Variants in FMO4 observed in about 807,000 individuals in gnomAD.
The protein encoded by FMO4 is flavin containing dimethylaniline monoxygenase 4, also known as dimethylaniline monooxygenase [N-oxide-forming] 4.
Under a neutral mutation model 43.3 loss-of-function variants are expected in FMO4, and 38 were observed. The ratio of observed to expected loss-of-function variants is 0.88; its 90% CI spans 0.68 to 1.15. FMO4 has a LOEUF of 1.15. Ranked by LOEUF, FMO4 falls within the 50% of genes most tolerant of loss-of-function variation. The pLI is 0.00. For missense variants in FMO4, 631 were observed against 663.3 expected (o/e 0.95, Z 0.54); for synonymous variants, 224 against 232.2 (o/e 0.96, Z 0.32).
rs1368644968 is a variant in FMO4, at chr1:171,337,402, T to G, written c.1227T>G (p.Thr409=). ...PPSQKLMMEA[T]EKEQLIKRGV... Reference sequence around the variant, plus strand: ...CCCAAAAATTGATGATGGAGGCTACTGAAAAGGAACAGCTCATTAAAAGGT... The same window carrying G: ...CCCAAAAATTGATGATGGAGGCTACGGAAAAGGAACAGCTCATTAAAAGGT... The change falls in exon 9 of 10, where the codon ACT becomes ACG. Residue 409 remains threonine, a synonymous_variant. Transcript: ENST00000367749. The G allele has an allele frequency of 6.2e-7, 1 of 1,612,186 alleles. No homozygotes were observed. Among genetic ancestry groups the G allele is most frequent in the Non-Finnish European group, 8.5e-7 (1 of 1,178,466 alleles).
In FMO4 at chr1:171,314,254, G is replaced by A. The variant is rs1662110378; in HGVS notation, c.-310G>A. ...ATAACAGAAAAGACGAATGGCTTTT[G>A]TTTTAAACTGAGGGCACTTTTACAA... On this transcript the variant is annotated 5_prime_UTR_variant, in exon 1 of 10. Transcript: ENST00000367749. The A allele has an allele frequency of 6.6e-6, 1 of 151,704 alleles. No individual in the cohort carries two copies. Among genetic ancestry groups the A allele is most frequent in the African/African-American group, 2.4e-5 (1 of 41,238 alleles). 9.4% of individuals were successfully genotyped at this position (151,704 alleles called of 1,614,324 possible). A position where few individuals can be genotyped will look rare whatever the true frequency, so the allele number is the denominator to read the frequency against.
Position 171,328,924 on chromosome 1 carries a change from C to CAA in FMO4, c.485-2708_485-2707dup, listed in dbSNP as rs3216452. Reference sequence around the variant, plus strand: ...CTGATCATTATAAGTCACCCAAAAACAAAAAAAAATCTCATTTTCATAACT... The same window carrying CAA: ...CTGATCATTATAAGTCACCCAAAAACAAAAAAAAAAATCTCATTTTCATAACT... On this transcript the variant is annotated intron_variant, in intron 5 of 9. Coordinates refer to ENST00000367749, the MANE Select transcript of FMO4 (RefSeq NM_002022.3). Among the ~76,000 whole-genome samples, 37 of 151,084 alleles carry CAA rather than the reference C, an allele frequency of 2.4e-4. 1 individual carries two copies. Among genetic ancestry groups the CAA allele is most frequent in the Admixed American group, 1.1e-3 (16 of 15,170 alleles).
intron 5 of FMO4, among the ~76,000 whole-genome samples, chr1:171,331,285 T>G (rs762338533): frequency 1.3e-5 from 2 of 152,224 alleles, no homozygotes; most frequent in Non-Finnish European, 2.9e-5. Flanking sequence ...TAATACTTAA[T>G]GTAGATGAAC....
chr1:171,332,642 C>T lies in FMO4; in HGVS notation c.628-67C>T, dbSNP rs181155696. The T allele has an allele frequency of 7.6e-5, 101 of 1,332,254 alleles. 1 individual carries two copies. In the East Asian group the frequency reaches 2.2e-3, roughly 30 times the overall value. The allele number at this position is 1,332,254 out of a possible 1,614,324, so 82.5% of individuals were successfully genotyped here. ...GACTGGAATAAGATCATTTGAAACA[C>T]ACTGATGAAAAATACTACAAAATGA... On this transcript the variant is annotated intron_variant, in intron 6 of 9. Transcript: ENST00000367749.
intron 1 of FMO4, among the ~76,000 whole-genome samples, chr1:171,315,007 C>A (rs1048102720): frequency 1.3e-5 from 2 of 152,060 alleles, no homozygotes; most frequent in Admixed American, 6.6e-5. Flanking sequence ...TATAAGCAAC[C>A]TATGGCTGGC....
intron 8 of FMO4, among the ~76,000 whole-genome samples, chr1:171,335,038 G>T (rs111816834): frequency 1.3e-5 from 2 of 152,128 alleles, no homozygotes; most frequent in Non-Finnish European, 2.9e-5. Context: ...TCATGATCCT[G>T]TTCTAGCCTA....
chr1:171,323,901 G>A (rs918389169), intron 4 of FMO4, among the ~76,000 whole-genome samples: 3 of 152,178 alleles, frequency 2.0e-5, no homozygotes, highest in East Asian at 1.9e-4. Flanking sequence ...GGAATAAAAC[G>A]TGATTGTTTC....
At chr1:171,316,806 A>G (rs1422464661) in intron 2 of FMO4, among the ~76,000 whole-genome samples, 1 of 152,198 alleles carries the variant, frequency 6.6e-6, no homozygotes, top group Non-Finnish European at 1.5e-5. Flanking sequence ...CAGCCCTAGG[A>G]AATCCTTCTG....
At chr1:171,321,013 G>T (rs1018818452) in intron 3 of FMO4, among the ~76,000 whole-genome samples, 4 of 151,764 alleles carry the variant, frequency 2.6e-5, no homozygotes, top group African/African-American at 9.7e-5. Context: ...ATATAAGCAG[G>T]AGTAACCATA....
intron 3 of FMO4, among the ~76,000 whole-genome samples, chr1:171,322,255 G>T (rs930385314): frequency 1.3e-5 from 2 of 152,048 alleles, no homozygotes; most frequent in African/African-American, 4.8e-5. Context: ...GGGAATATAC[G>T]GAGACAATAA....
chr1:171,324,826 T>C (rs1662589473), intron 5 of FMO4, among the ~76,000 whole-genome samples: 1 of 152,090 alleles, frequency 6.6e-6, no homozygotes, highest in African/African-American at 2.4e-5. Flanking sequence ...AACATAATAA[T>C]CATACAATTC....
chr1:171,339,849 C>T (rs373762925), intron 9 of FMO4, among the ~76,000 whole-genome samples: 15 of 152,168 alleles, frequency 9.9e-5, no homozygotes, highest in African/African-American at 3.6e-4. Flanking sequence ...ATGCTAGGAT[C>T]ACTGTGCCTT....
rs895569548 is a variant in FMO4 at position 171,324,680 on chromosome 1, AT to A, written c.484+389del. Among the ~76,000 whole-genome samples, 8 of 151,526 alleles carry A rather than the reference AT, an allele frequency of 5.3e-5. No homozygotes were observed. In the East Asian group the frequency reaches 5.8e-4, roughly 11 times the overall value. ...AACTTACAGGAAGTGAGAGTATATG[AT>A]TTTTTTTTAAAGAAACAAACCAGAA... On this transcript the variant is annotated intron_variant, in intron 5 of 9. Transcript: ENST00000367749.
intron 3 of FMO4, among the ~76,000 whole-genome samples, chr1:171,321,060 T>A (rs760585127): frequency 4.5e-4 from 62 of 138,894 alleles, no homozygotes; most frequent in Non-Finnish European, 7.4e-4. Flanking sequence ...AAAAAAAAAA[T>A]GGTATATTGT....
intron 9 of FMO4, among the ~76,000 whole-genome samples, chr1:171,337,809 C>T (rs955716430): frequency 1.3e-5 from 2 of 152,114 alleles, no homozygotes; most frequent in African/African-American, 4.8e-5. Context: ...AGTCCTCAGG[C>T]CTCTTCTCAT....
At chr1:171,331,947 C>T (rs1272383255) in intron 6 of FMO4, among the ~76,000 whole-genome samples, 165 bp downstream of exon 6, 1 of 151,822 alleles carries the variant, frequency 6.6e-6, no homozygotes, top group African/African-American at 2.4e-5. Context: ...ACTCACGGTT[C>T]TTTCTGAACT....
intron 5 of FMO4, 93 bp from the exon 6 acceptor site, chr1:171,331,547 T>C: frequency 8.2e-7 from 1 of 1,220,950 alleles, no homozygotes; most frequent in Non-Finnish European, 1.2e-6. Context: ...GCCATAGTTG[T>C]GGGACTTCCC....
At chr1:171,340,706 T>A (rs993661045) in intron 9 of FMO4, among the ~76,000 whole-genome samples, 3 of 152,102 alleles carry the variant, frequency 2.0e-5, no homozygotes, top group African/African-American at 7.2e-5. Context: ...GGCGAGTGAG[T>A]CTAAGGATAA....
chr1:171,319,829 G>T lies in FMO4; in HGVS notation c.4G>T (p.Ala2Ser). 1 of 1,613,740 alleles carries T rather than the reference G, an allele frequency of 6.2e-7. No individual in the cohort carries two copies. The highest frequency in any genetic ancestry group is 8.5e-7 in the Non-Finnish European group (1 of 1,179,736). Residue 2 changes from alanine to serine, a missense_variant, in exon 3 of 10, where the codon GCC becomes TCC. Transcript: ENST00000367749. ...CTTTCCTCTAACAGAGCATACCATG[G>T]CCAAGAAAGTTGCAGTGATTGGAGC... is the stretch of plus-strand genomic sequence containing the variant. M[A>S]KKVAVIGAGV...
Sources: allele counts gnomAD v4.1 joint callset (sites outside exome capture counted in the v4.1 genomes callset), GRCh38; gene constraint gnomAD v4.1.1; transcripts MANE v1.5; gene names NCBI Gene and HGNC (gene_info 2026-07-23, HGNC 2026-07-21).